The following VWC2L variants were observed in gnomAD, a reference collection of about 807,000 sequenced individuals.
VWC2L encodes the protein von Willebrand factor C domain containing 2 like.
Under a neutral mutation model 21.6 loss-of-function variants are expected in VWC2L, and 10 were observed. The observed-to-expected ratio is 0.46, with a 90% CI of 0.29 to 0.78. The LOEUF is 0.78. VWC2L is among the 30% of genes least tolerant of loss of function. The probability of loss-of-function intolerance (pLI) is 0.10; values close to 1 mark genes in which losing one functional copy is unlikely to be tolerated. For missense variants in VWC2L, 209 were observed against 277.1 expected (o/e 0.75, Z 1.74); for synonymous variants, 96 against 94.3 (o/e 1.02, Z -0.10).
At chr2:214,542,351 G>A (rs1689642068) in intron 3 of VWC2L, among the ~76,000 whole-genome samples, 1 of 152,156 alleles carries the variant, frequency 6.6e-6, no homozygotes, top group Non-Finnish European at 1.5e-5. Flanking sequence ...TGCCTGTCTG[G>A]GGACTGAGAT....
chr2:214,464,815 A>G (rs1400123566), intron 3 of VWC2L, among the ~76,000 whole-genome samples: 7 of 152,052 alleles, frequency 4.6e-5, no homozygotes, highest in African/African-American at 1.4e-4. Flanking sequence ...ACTTGGTGCT[A>G]TATTTTACTG....
chr2:214,562,927 G>A (rs186581003), intron 3 of VWC2L, among the ~76,000 whole-genome samples: 1 of 152,292 alleles, frequency 6.6e-6, no homozygotes, highest in African/African-American at 2.4e-5. Context: ...TTGCTCTGAT[G>A]ATAGTTTTGC....
At chr2:214,417,639 T>G (rs1006486669) in intron 2 of VWC2L, among the ~76,000 whole-genome samples, 10 of 152,058 alleles carry the variant, frequency 6.6e-5, no homozygotes, top group Non-Finnish European at 1.2e-4. Flanking sequence ...AAGCTAGATA[T>G]GACTAAAATG....
At chr2:214,545,236 A>G (rs561432632) in intron 3 of VWC2L, among the ~76,000 whole-genome samples, 2 of 152,326 alleles carry the variant, frequency 1.3e-5, no homozygotes, top group South Asian at 4.1e-4. Context: ...AAAAAAATCT[A>G]CAAGGTACTT....
chr2:214,559,862 A>G (rs1689938984), intron 3 of VWC2L, among the ~76,000 whole-genome samples: 1 of 152,148 alleles, frequency 6.6e-6, no homozygotes, highest in Non-Finnish European at 1.5e-5. Context: ...CAGCCTCCCA[A>G]AGTGCTGGGA....
chr2:214,559,916 A>C (rs1258368935), intron 3 of VWC2L, among the ~76,000 whole-genome samples: 1 of 152,178 alleles, frequency 6.6e-6, no homozygotes, highest in African/African-American at 2.4e-5. Flanking sequence ...TTTAATATCT[A>C]TTTATACCAC....
At chr2:214,485,189 GCAT>G (rs1688658727) in intron 3 of VWC2L, among the ~76,000 whole-genome samples, 2 of 152,188 alleles carry the variant, frequency 1.3e-5, no homozygotes, top group African/African-American at 2.4e-5. Flanking sequence ...GCATGGTGGT[GCAT>G]GCCTGTAGTC....
At chr2:214,527,210 A>G (rs1467413579) in intron 3 of VWC2L, among the ~76,000 whole-genome samples, 6 of 152,180 alleles carry the variant, frequency 3.9e-5, no homozygotes, top group Admixed American at 3.9e-4. Flanking sequence ...ATTCAGGAAC[A>G]TAAAGATGGC....
intron 3 of VWC2L, among the ~76,000 whole-genome samples, chr2:214,562,382 C>T (rs972935294): frequency 6.6e-6 from 1 of 152,180 alleles, no homozygotes; most frequent in Non-Finnish European, 1.5e-5. Context: ...TTTTCTTTAT[C>T]CAATCTATCA....
intron 3 of VWC2L, among the ~76,000 whole-genome samples, chr2:214,463,915 A>T (rs954316634): frequency 2.6e-5 from 4 of 151,976 alleles, no homozygotes; most frequent in Non-Finnish European, 4.4e-5. Context: ...CTTCTGCTTG[A>T]TAAATTCTGC....
chr2:214,521,215 A>G (rs2105911185), intron 3 of VWC2L, among the ~76,000 whole-genome samples: 1 of 150,554 alleles, frequency 6.6e-6, no homozygotes, highest in East Asian at 1.9e-4. Flanking sequence ...ACAGAGGGAG[A>G]CTCTGACTCC....
chr2:214,421,026 T>A (rs972587211), intron 2 of VWC2L, among the ~76,000 whole-genome samples: 1 of 152,238 alleles, frequency 6.6e-6, no homozygotes, highest in Non-Finnish European at 1.5e-5. Flanking sequence ...GGGATTCCCA[T>A]CTTCGTAAGT....
At chr2:214,561,144 G>T (rs940842217) in intron 3 of VWC2L, among the ~76,000 whole-genome samples, 1 of 152,120 alleles carries the variant, frequency 6.6e-6, no homozygotes, top group Non-Finnish European at 1.5e-5. Flanking sequence ...CAGATTGCTG[G>T]GCCCCATACC....
At chr2:214,444,072 T>G (rs1418764798) in intron 3 of VWC2L, among the ~76,000 whole-genome samples, 2 of 151,916 alleles carry the variant, frequency 1.3e-5, no homozygotes, top group Non-Finnish European at 2.9e-5. Flanking sequence ...AAAGAAAAAT[T>G]TGGCACTAGT....
At chr2:214,531,201 G>A (rs1689429577) in intron 3 of VWC2L, among the ~76,000 whole-genome samples, 1 of 152,104 alleles carries the variant, frequency 6.6e-6, no homozygotes, top group Non-Finnish European at 1.5e-5. Flanking sequence ...CAGGAAACAG[G>A]AAAAATGCAA....
At chr2:214,531,574 T>C (rs1689436353) in intron 3 of VWC2L, among the ~76,000 whole-genome samples, 1 of 152,156 alleles carries the variant, frequency 6.6e-6, no homozygotes, top group African/African-American at 2.4e-5. Context: ...GGGTAAGCTC[T>C]TCAGTCGGCA....
At chr2:214,432,155 A>G (rs866398476) in intron 2 of VWC2L, among the ~76,000 whole-genome samples, 2 of 152,252 alleles carry the variant, frequency 1.3e-5, no homozygotes, top group Non-Finnish European at 2.9e-5. Context: ...GATATGGTTT[A>G]GCAAATAAGA....
chr2:214,489,614 C>G (rs1688718906), intron 3 of VWC2L, among the ~76,000 whole-genome samples: 1 of 152,170 alleles, frequency 6.6e-6, no homozygotes, highest in Non-Finnish European at 1.5e-5. Context: ...ATTTTGGAAC[C>G]TTCACTGAGA....
intron 3 of VWC2L, among the ~76,000 whole-genome samples, chr2:214,564,610 C>T (rs1574639492): frequency 6.6e-6 from 1 of 152,096 alleles, no homozygotes; most frequent in East Asian, 1.9e-4. Flanking sequence ...GTATTGAAGG[C>T]TTTGTTTGGC....
Sources: allele counts gnomAD v4.1 joint callset (sites outside exome capture counted in the v4.1 genomes callset), GRCh38; gene constraint gnomAD v4.1.1; transcripts MANE v1.5; gene names NCBI Gene and HGNC (gene_info 2026-07-23, HGNC 2026-07-21).